Variants in MACROD2 observed in about 807,000 individuals in gnomAD.
The protein encoded by MACROD2 is ADP-ribose glycohydrolase MACROD2.
MACROD2 carries 36 observed loss-of-function variants against 70.4 expected under a neutral mutation model. The observed-to-expected ratio is 0.51, with a 90% CI of 0.39 to 0.68. The LOEUF is 0.68. MACROD2 is among the 30% of genes least tolerant of loss of function. MACROD2 has a pLI of 0.00. For synonymous variants in MACROD2, 172 were observed against 178.8 expected (o/e 0.96, Z 0.30); for missense variants, 496 against 538.4 (o/e 0.92, Z 0.78).
chr20:15,308,710 A>G (rs2077722313), intron 6 of MACROD2, among the ~76,000 whole-genome samples: 1 of 152,164 alleles, frequency 6.6e-6, no homozygotes, highest in Non-Finnish European at 1.5e-5. Context: ...GGGACAAATA[A>G]AAGAAATATA....
chr20:15,454,453 A>ACACACACACC (rs1454301030), intron 7 of MACROD2, among the ~76,000 whole-genome samples: 18 of 131,692 alleles, frequency 1.4e-4, no homozygotes, highest in African/African-American at 5.0e-4. Context: ...ACACACACAC[A>ACACACACACC]CCCTTATTAT....
intron 2 of MACROD2, among the ~76,000 whole-genome samples, chr20:14,033,264 A>G (rs561506294): frequency 6.6e-6 from 1 of 151,832 alleles, no homozygotes; most frequent in South Asian, 2.1e-4. Flanking sequence ...CTTTTTCTAG[A>G]TTCTTTATTT....
intron 7 of MACROD2, among the ~76,000 whole-genome samples, chr20:15,453,313 A>C (rs1359346308): frequency 6.6e-6 from 1 of 152,018 alleles, no homozygotes; most frequent in Non-Finnish European, 1.5e-5. Flanking sequence ...TGGATTTCTC[A>C]TTTTAACCTT....
At chr20:15,279,244 C>G (rs1434370782) in intron 6 of MACROD2, among the ~76,000 whole-genome samples, 1 of 152,148 alleles carries the variant, frequency 6.6e-6, no homozygotes, top group Non-Finnish European at 1.5e-5. Context: ...ACAAAAAGGT[C>G]ATGGCATTTT....
intron 4 of MACROD2, among the ~76,000 whole-genome samples, chr20:14,506,733 G>A (rs1415007671): frequency 1.3e-5 from 2 of 152,100 alleles, no homozygotes; most frequent in East Asian, 1.9e-4. Flanking sequence ...GACAGACAAC[G>A]AGGTCAGGAA....
chr20:14,968,042 T>G (rs1292574170), intron 5 of MACROD2, among the ~76,000 whole-genome samples: 1 of 152,176 alleles, frequency 6.6e-6, no homozygotes, highest in Non-Finnish European at 1.5e-5. Context: ...TTTAAGTTAT[T>G]ATATCAAATT....
At chr20:15,296,479 G>A (rs758974167) in intron 6 of MACROD2, among the ~76,000 whole-genome samples, 12 of 152,076 alleles carry the variant, frequency 7.9e-5, no homozygotes, top group Non-Finnish European at 1.6e-4. Flanking sequence ...TGATGTTTCT[G>A]TGGTCAAAAA....
chr20:14,493,827 T>C (rs1600300603), intron 4 of MACROD2: 1 of 164,904 alleles, frequency 6.1e-6, no homozygotes, highest in East Asian at 1.6e-4. Flanking sequence ...ACTATGTACA[T>C]ATTACAGAGT....
chr20:14,833,056 G>A (rs954774064), intron 5 of MACROD2, among the ~76,000 whole-genome samples: 1 of 152,144 alleles, frequency 6.6e-6, no homozygotes, highest in Non-Finnish European at 1.5e-5. Context: ...TAGCTGTTTA[G>A]CATCTGAAAT....
At chr20:14,935,374 G>T (rs2074332182) in intron 5 of MACROD2, 1 of 151,620 alleles carries the variant, frequency 6.6e-6, no homozygotes, top group Non-Finnish European at 1.5e-5. Flanking sequence ...ATGCTGGAAA[G>T]GTCTTTAGAG....
intron 4 of MACROD2, among the ~76,000 whole-genome samples, chr20:14,522,596 G>A (rs995988833): frequency 1.4e-4 from 21 of 152,312 alleles, no homozygotes; most frequent in Admixed American, 5.2e-4. Flanking sequence ...TTTGTGGAAC[G>A]TCAAATTCAT....
At chr20:14,163,751 A>C (rs753390228) in intron 3 of MACROD2, among the ~76,000 whole-genome samples, 6 of 150,316 alleles carry the variant, frequency 4.0e-5, no homozygotes, top group Non-Finnish European at 7.4e-5. Flanking sequence ...AAGCTTTTGA[A>C]TATATTTTGT....
intron 8 of MACROD2, among the ~76,000 whole-genome samples, chr20:15,746,588 G>A (rs1055450808): frequency 3.4e-4 from 48 of 141,900 alleles, no homozygotes; most frequent in African/African-American, 1.1e-3. Flanking sequence ...AAAAAGAAAC[G>A]GTGAAACTTT....
intron 4 of MACROD2, among the ~76,000 whole-genome samples, chr20:14,544,545 A>G (rs915475477): frequency 6.6e-6 from 1 of 152,148 alleles, no homozygotes; most frequent in African/African-American, 2.4e-5. Flanking sequence ...GTAAGTAGTG[A>G]GCACTCTTAT....
chr20:14,839,592 C>G (rs2073065781), intron 5 of MACROD2, among the ~76,000 whole-genome samples: 1 of 151,990 alleles, frequency 6.6e-6, no homozygotes, highest in Non-Finnish European at 1.5e-5. Flanking sequence ...AATTTTTGCT[C>G]CAGTCTCTTA....
chr20:15,829,867 G>T (rs116978189), intron 8 of MACROD2, among the ~76,000 whole-genome samples: 1 of 152,150 alleles, frequency 6.6e-6, no homozygotes, highest in Non-Finnish European at 1.5e-5. Flanking sequence ...AACTAACTCA[G>T]CCTAGAGGAG....
At chr20:14,892,716 C>T (rs2073777846) in intron 5 of MACROD2, 1 of 152,140 alleles carries the variant, frequency 6.6e-6, no homozygotes, top group African/African-American at 2.4e-5. Context: ...CTGGTAACCA[C>T]AATTCTTTCT....
intron 7 of MACROD2, among the ~76,000 whole-genome samples, chr20:15,457,327 AC>A (rs2046741901): frequency 6.6e-6 from 1 of 151,862 alleles, no homozygotes; most frequent in African/African-American, 2.4e-5. Flanking sequence ...AAGTTATAAA[AC>A]CTTTTGCTGT....
In MACROD2 at chr20:14,983,149, C is replaced by G. The variant is rs186576199; in HGVS notation, c.419-246791C>G. Reference sequence around the variant, plus strand: ...TTTCAGACTTGCATGGGCCCTGTAACCCCTTTGTTTTGGCCAATTTCTCCC... The same window carrying G: ...TTTCAGACTTGCATGGGCCCTGTAAGCCCTTTGTTTTGGCCAATTTCTCCC... On this transcript the variant is annotated intron_variant, in intron 5 of 17. Coordinates refer to ENST00000684519, the MANE Select transcript of MACROD2 (RefSeq NM_001351661.2). 5.3e-3 allele frequency among the ~76,000 whole-genome samples: 811 copies of G among 152,240 alleles called. 5 individuals are homozygous for G. The highest frequency in any genetic ancestry group is 8.1e-3 in the Non-Finnish European group (550 of 68,002).
Sources: allele counts gnomAD v4.1 joint callset (sites outside exome capture counted in the v4.1 genomes callset), GRCh38; gene constraint gnomAD v4.1.1; transcripts MANE v1.5; gene names NCBI Gene and HGNC (gene_info 2026-07-23, HGNC 2026-07-21).